TRIP4: variants seen among roughly 807,000 people sequenced by gnomAD.
TRIP4 encodes the protein thyroid hormone receptor interactor 4.
In TRIP4, 54 loss-of-function variants were observed where a neutral mutation model predicts 81.8. The observed-to-expected ratio is 0.66, with a 90% CI of 0.53 to 0.83. The LOEUF is 0.83. Among genes scored for constraint, TRIP4 ranks in the 40% least tolerant of loss-of-function variants. TRIP4 has a pLI of 0.00. For synonymous variants in TRIP4, 270 were observed against 242.8 expected, an observed-to-expected ratio of 1.11 and a Z score of -1.04; for missense variants, 662 against 683.6, an observed-to-expected ratio of 0.97 and a Z score of 0.35.
At chr15:64,425,150 C>T (rs181059330) in intron 10 of TRIP4, among the ~76,000 whole-genome samples, 35 of 152,154 alleles carry the variant, frequency 2.3e-4, no homozygotes, top group African/African-American at 8.2e-4. Context: ...GTTTTAACCA[C>T]ATTTTGATGT....
intron 12 of TRIP4, among the ~76,000 whole-genome samples, chr15:64,449,677 T>C (rs1892710880): frequency 6.6e-6 from 1 of 152,316 alleles, no homozygotes; most frequent in African/African-American, 2.4e-5. Context: ...TTGCTTGACC[T>C]TAAGGTAATT....
rs745430579 is a variant in TRIP4, at chr15:64,418,553, A to ACAGGTG, written c.1187_1192dup (p.Gly396_Ala397dup). The ACAGGTG allele has an allele frequency of 2.0e-5, 32 of 1,612,414 alleles. No homozygotes were observed. In the East Asian group the frequency reaches 7.1e-4, roughly 36 times the overall value. ...TTTTTCTGTGTAGTGGGTTGACCAC[A>ACAGGTG]CAGGTGCAGCCTCACAGAAGAAGGC... On this transcript the variant is annotated inframe_insertion, in exon 9 of 13. Coordinates refer to ENST00000261884, the MANE Select transcript of TRIP4 (RefSeq NM_016213.5).
intron 6 of TRIP4, among the ~76,000 whole-genome samples, chr15:64,407,716 A>G (rs139019271): frequency 7.0e-4 from 106 of 152,166 alleles, no homozygotes; most frequent in African/African-American, 2.3e-3. Context: ...TTTTTGATAA[A>G]CAGAAAGTGG....
chr15:64,404,841 G>A (rs1337298665), intron 5 of TRIP4, among the ~76,000 whole-genome samples: 1 of 151,192 alleles, frequency 6.6e-6, no homozygotes, highest in East Asian at 2.0e-4. Flanking sequence ...TTGTACCACC[G>A]TGTCTGGCTA....
intron 4 of TRIP4, among the ~76,000 whole-genome samples, chr15:64,398,179 G>A (rs1900349599): frequency 6.6e-6 from 1 of 152,186 alleles, no homozygotes; most frequent in South Asian, 2.1e-4. Flanking sequence ...GGGATTACAG[G>A]CGTCAGCCAC....
chr15:64,397,577 G>C, intron 3 of TRIP4, 29 bp from the exon 4 acceptor site: 3 of 1,597,226 alleles, frequency 1.9e-6, no homozygotes, highest in Non-Finnish European at 2.6e-6. Flanking sequence ...TTAATTATTT[G>C]ATGTTATTTT....
At chr15:64,453,483 G>A (rs1229565150) in intron 12 of TRIP4, among the ~76,000 whole-genome samples, 1 of 152,196 alleles carries the variant, frequency 6.6e-6, no homozygotes, top group Non-Finnish European at 1.5e-5. Flanking sequence ...GGATACAAAG[G>A]CTGACTTGCC....
intron 4 of TRIP4, among the ~76,000 whole-genome samples, chr15:64,399,990 A>G (rs1388110907): frequency 6.6e-6 from 1 of 151,638 alleles, no homozygotes; most frequent in Non-Finnish European, 1.5e-5. Flanking sequence ...AAAAAAAGAA[A>G]GAAAAAAAGA....
chr15:64,413,602 A>C (rs556596835), intron 7 of TRIP4, among the ~76,000 whole-genome samples: 1 of 149,254 alleles, frequency 6.7e-6, no homozygotes, highest in African/African-American at 2.5e-5. Flanking sequence ...ATTTTTTTTT[A>C]TTTTTTTGAG....
chr15:64,417,139 C>T (rs1325092741), intron 8 of TRIP4, among the ~76,000 whole-genome samples: 1 of 152,130 alleles, frequency 6.6e-6, no homozygotes, highest in Admixed American at 6.6e-5. Context: ...TCTCAAGTGG[C>T]TCAGACTACA....
At chr15:64,416,334 G>A (rs1366482561) in intron 8 of TRIP4, among the ~76,000 whole-genome samples, 1 of 152,188 alleles carries the variant, frequency 6.6e-6, no homozygotes, top group Non-Finnish European at 1.5e-5. Context: ...AATTAATTTA[G>A]GAAAGTGGCT....
chr15:64,422,932 G>C (rs1317138364), intron 9 of TRIP4, among the ~76,000 whole-genome samples: 1 of 152,118 alleles, frequency 6.6e-6, no homozygotes, highest in Non-Finnish European at 1.5e-5. Flanking sequence ...TCTATATTGG[G>C]AAACCAAGGA....
intron 11 of TRIP4, among the ~76,000 whole-genome samples, chr15:64,436,320 A>G (rs1474558930): frequency 6.6e-6 from 1 of 150,954 alleles, no homozygotes; most frequent in African/African-American, 2.4e-5. Flanking sequence ...TCAGCCAGGC[A>G]CATTGGCTTA....
At chr15:64,428,434 T>C (rs1892197506) in intron 11 of TRIP4, among the ~76,000 whole-genome samples, 1 of 152,214 alleles carries the variant, frequency 6.6e-6, no homozygotes, top group African/African-American at 2.4e-5. Flanking sequence ...GAACAGCATG[T>C]AGAAGTGCAG....
intron 6 of TRIP4, among the ~76,000 whole-genome samples, chr15:64,408,621 C>CATTTTTTAGAT (rs1891687618): frequency 6.6e-6 from 1 of 152,062 alleles, no homozygotes; most frequent in Admixed American, 6.6e-5. Flanking sequence ...ATGAATCTAA[C>CATTTTTTAGAT]TTCAGTATTT....
chr15:64,448,402 G>A (rs1197025645), intron 12 of TRIP4, among the ~76,000 whole-genome samples: 3 of 151,948 alleles, frequency 2.0e-5, no homozygotes, highest in South Asian at 4.1e-4. Flanking sequence ...TATCTTTTTC[G>A]TATTGTTTCT....
chr15:64,431,721 A>AG (rs1892274703), intron 11 of TRIP4, among the ~76,000 whole-genome samples: 1 of 150,846 alleles, frequency 6.6e-6, no homozygotes, highest in South Asian at 2.1e-4. Context: ...AAAAAAAAAA[A>AG]CAAAACTGGA....
intron 12 of TRIP4, among the ~76,000 whole-genome samples, chr15:64,454,669 CA>C (rs1408711130): frequency 6.6e-6 from 1 of 152,164 alleles, no homozygotes. Flanking sequence ...GCCTTTATTG[CA>C]TGTGTATATT....
chr15:64,414,512 C>CTTTTTTTTT lies in TRIP4; in HGVS notation c.1170+315_1170+323dup, dbSNP rs869202504. ...TGGTTCTTTTGTTAATGCTCTTTCT[C>CTTTTTTTTT]TTTTTTTTTTTTTTTTTTTTTTGAG... On this transcript the variant is annotated intron_variant, in intron 8 of 12. Coordinates refer to ENST00000261884, the MANE Select transcript of TRIP4 (RefSeq NM_016213.5). 1.5e-3 allele frequency among the ~76,000 whole-genome samples: 133 copies of CTTTTTTTTT among 87,038 alleles called. 4 individuals carry two copies. The highest frequency in any genetic ancestry group is 2.0e-3 in the East Asian group (5 of 2,528). 57.1% of individuals were successfully genotyped at this position (87,038 alleles called of 152,430 possible). A position where few individuals can be genotyped will look rare whatever the true frequency, so the allele number is the denominator to read the frequency against.
Sources: allele counts gnomAD v4.1 joint callset (sites outside exome capture counted in the v4.1 genomes callset), GRCh38; gene constraint gnomAD v4.1.1; transcripts MANE v1.5; gene names NCBI Gene and HGNC (gene_info 2026-07-23, HGNC 2026-07-21).